The following FAM220A variants were observed in gnomAD, a reference collection of about 807,000 sequenced individuals.
FAM220A encodes the protein protein FAM220A.
For missense variants in FAM220A, 392 were observed against 321.6 expected (o/e 1.22, Z -1.68); for synonymous variants, 141 against 130.7 (o/e 1.08, Z -0.54).
chr7:6,330,685 C>A lies in FAM220A; in HGVS notation c.470G>T (p.Arg157Leu). 1 of 1,614,062 alleles carries A rather than the reference C, an allele frequency of 6.2e-7. No homozygotes were observed. Among genetic ancestry groups the A allele is most frequent in the Non-Finnish European group, 8.5e-7 (1 of 1,180,012 alleles). The change falls in exon 2 of 2, where the codon CGC becomes CTC. Residue 157 changes from arginine (R) to leucine (L), a missense_variant. Physicochemically the swap from Arg to Leu is moderately radical, Grantham distance 102 (BLOSUM62 -2). Coordinates refer to ENST00000313324, the MANE Select transcript of FAM220A (RefSeq NM_001037163.2). ...KGEPRVSRLP[R>L]HQKVPEMGSF... Reference sequence around the variant, plus strand: ...TCCCATTTCCGGCACTTTTTGATGGCGTGGCAGTCGTGACACCCGAGGCTC... The same window carrying A: ...TCCCATTTCCGGCACTTTTTGATGGAGTGGCAGTCGTGACACCCGAGGCTC...
In FAM220A at chr7:6,348,918, G is replaced by C. The variant is rs987128226; in HGVS notation, c.-427C>G. 1.0e-5 allele frequency: 4 copies of C among 385,154 alleles called. No individual in the cohort carries two copies. The highest frequency in any genetic ancestry group is 3.7e-5 in the East Asian group (1 of 26,760). 23.9% of individuals were successfully genotyped at this position (385,154 alleles called of 1,614,324 possible). Reference sequence around the variant, plus strand: ...GAGCGGAGTCCGCACGTCACGCTCGGAGAAGTGCCTCCGCGAGCAGCCGCC... The same window carrying C: ...GAGCGGAGTCCGCACGTCACGCTCGCAGAAGTGCCTCCGCGAGCAGCCGCC... On this transcript the variant is annotated 5_prime_UTR_variant, in exon 1 of 2. Coordinates refer to ENST00000313324, the MANE Select transcript of FAM220A (RefSeq NM_001037163.2).
intron 1 of FAM220A, among the ~76,000 whole-genome samples, chr7:6,340,443 G>C (rs1050944794): frequency 2.6e-5 from 4 of 152,288 alleles, no homozygotes; most frequent in African/African-American, 9.6e-5. Flanking sequence ...CACTTCAGTA[G>C]AAGGGCAGAG....
chr7:6,344,479 G>C (rs983550279), intron 1 of FAM220A, among the ~76,000 whole-genome samples: 2 of 152,020 alleles, frequency 1.3e-5, no homozygotes, highest in African/African-American at 4.8e-5. Context: ...CTGGAGTACA[G>C]TGGTACAATT....
At chr7:6,346,872 C>T (rs569557157) in intron 1 of FAM220A, among the ~76,000 whole-genome samples, 52 of 152,250 alleles carry the variant, frequency 3.4e-4, no homozygotes, top group Non-Finnish European at 5.1e-4. Flanking sequence ...TCATTCTGCA[C>T]GCCAGGGAGC....
At chr7:6,347,228 C>T (rs757950281) in intron 1 of FAM220A, among the ~76,000 whole-genome samples, 8 of 152,124 alleles carry the variant, frequency 5.3e-5, no homozygotes, top group African/African-American at 9.7e-5. Context: ...AAATATCAGT[C>T]TCTTGGCTGG....
chr7:6,338,609 T>C (rs1232007048), intron 1 of FAM220A: 1 of 152,276 alleles, frequency 6.6e-6, no homozygotes, highest in African/African-American at 2.4e-5. Context: ...GAAACGAGGC[T>C]GTCCAGGTAT....
chr7:6,333,996 GCCA>G (rs1554259806), intron 1 of FAM220A, among the ~76,000 whole-genome samples: 1 of 151,056 alleles, frequency 6.6e-6, no homozygotes, highest in Non-Finnish European at 1.5e-5. Flanking sequence ...ACAGGCACCC[GCCA>G]CCACGCCCGG....
chr7:6,335,395 G>C (rs957095694), intron 1 of FAM220A, among the ~76,000 whole-genome samples: 1 of 151,742 alleles, frequency 6.6e-6, no homozygotes, highest in Admixed American at 6.6e-5. Context: ...GCTAATTTTA[G>C]TTTTTGTATT....
intron 1 of FAM220A, 141 bp downstream of exon 1, chr7:6,348,432 A>T (rs1280686087): frequency 5.0e-6 from 2 of 396,456 alleles, no homozygotes; most frequent in South Asian, 2.6e-4. Context: ...GATCTCCCCA[A>T]AGTAGGGTCG....
In FAM220A at chr7:6,348,586, T is replaced by C. The variant is rs1562450457; in HGVS notation, c.-95A>G. On this transcript the variant is annotated 5_prime_UTR_variant, in exon 1 of 2. Transcript: ENST00000313324. ...CGGCTCACCCACCTGCAGGCGGACGTTGAGCATCATGGAAGCCACGATGTA... is the reference window on the plus strand; with the variant it reads ...CGGCTCACCCACCTGCAGGCGGACGCTGAGCATCATGGAAGCCACGATGTA... 2 of 439,494 alleles carry C rather than the reference T, an allele frequency of 4.6e-6. No homozygotes were observed. Among genetic ancestry groups the C allele is most frequent in the South Asian group, 5.2e-5 (1 of 19,368 alleles). The allele number at this position is 439,494 out of a possible 1,614,324, so 27.2% of individuals were successfully genotyped here.
rs1190812045 is a variant in FAM220A at position 6,337,591 on chromosome 7, T to A, written c.-81-6356A>T. 2.6e-5 allele frequency among the ~76,000 whole-genome samples: 4 copies of A among 151,864 alleles called. No individual in the cohort carries two copies. The East Asian group carries it at 7.7e-4, about 29-fold the overall frequency. Reference sequence around the variant, plus strand: ...TACTTTAAATACAGTACCATTATTTTTTTTCATTTCCTTAGCAAACTAACG... The same window carrying A: ...TACTTTAAATACAGTACCATTATTTATTTTCATTTCCTTAGCAAACTAACG... On this transcript the variant is annotated intron_variant, in intron 1 of 1. Transcript: ENST00000313324.
At chr7:6,332,116 A>G (rs1261647525) in intron 1 of FAM220A, among the ~76,000 whole-genome samples, 1 of 145,606 alleles carries the variant, frequency 6.9e-6, no homozygotes, top group South Asian at 2.1e-4. Flanking sequence ...TCTCACGGAA[A>G]AAAAAAAAAA....
At position 6,348,634 on chromosome 7, in the gene FAM220A, A is replaced by C. The variant is rs1323688395; in HGVS notation, c.-143T>G. 2.0e-6 allele frequency: 1 copy of C among 504,768 alleles called. No individual in the cohort carries two copies. The highest frequency in any genetic ancestry group is 3.6e-6 in the Non-Finnish European group (1 of 278,502). The allele number at this position is 504,768 out of a possible 1,614,324, so 31.3% of individuals were successfully genotyped here. ...GTAGAGGTAGGGGAAGTTGATACGC[A>C]GCCGCCAGGCCAGGTCGAAGAAGAT... On this transcript the variant is annotated 5_prime_UTR_variant, in exon 1 of 2. Transcript: ENST00000313324.
At chr7:6,336,955 T>C (rs1293152844) in intron 1 of FAM220A, among the ~76,000 whole-genome samples, 2 of 151,570 alleles carry the variant, frequency 1.3e-5, no homozygotes, top group Non-Finnish European at 2.9e-5. Context: ...TGGCTGGCCA[T>C]ATTCTTTCAA....
intron 1 of FAM220A, among the ~76,000 whole-genome samples, chr7:6,342,629 C>A (rs1408881595): frequency 1.3e-5 from 2 of 152,096 alleles, no homozygotes; most frequent in South Asian, 2.1e-4. Flanking sequence ...GAAATAAAAA[C>A]CGATGTCCAC....
At position 6,329,487 on chromosome 7, in the gene FAM220A, C is replaced by T. The variant is rs189182585; in HGVS notation, c.*888G>A. The T allele has an allele frequency of 6.5e-6, 1 of 152,712 alleles. No homozygotes were observed. Among genetic ancestry groups the T allele is most frequent in the East Asian group, 1.9e-4 (1 of 5,182 alleles). The allele number at this position is 152,712 out of a possible 1,614,324, so 9.5% of individuals were successfully genotyped here. A position where few individuals can be genotyped will look rare whatever the true frequency, so the allele number is the denominator to read the frequency against. On this transcript the variant is annotated 3_prime_UTR_variant, in exon 2 of 2. Coordinates refer to ENST00000313324, the MANE Select transcript of FAM220A (RefSeq NM_001037163.2). ...CCCCAAACACTAAAATAGCACATGG[C>T]ATAGTAATTCAGCACACAGCATAAA...
rs920758089 is a variant in FAM220A, at chr7:6,337,471, C to T, written c.-81-6236G>A. Among the ~76,000 whole-genome samples, 3 of 151,834 alleles carry T rather than the reference C, an allele frequency of 2.0e-5. No homozygotes were observed. In the East Asian group the frequency reaches 5.8e-4, roughly 29 times the overall value. ...AGGTCATATAATATGGGACAGTGCTCAGAAAAATTAAGTTTCTAACCATTT... is the reference window on the plus strand; with the variant it reads ...AGGTCATATAATATGGGACAGTGCTTAGAAAAATTAAGTTTCTAACCATTT... On this transcript the variant is annotated intron_variant, in intron 1 of 1. Coordinates refer to ENST00000313324, the MANE Select transcript of FAM220A (RefSeq NM_001037163.2).
intron 1 of FAM220A, among the ~76,000 whole-genome samples, chr7:6,333,634 G>A (rs371877730): frequency 6.6e-6 from 1 of 151,602 alleles, no homozygotes; most frequent in African/African-American, 2.4e-5. Flanking sequence ...GTGTCACTGG[G>A]ATTACAGGCA....
chr7:6,347,827 G>A (rs576950516), intron 1 of FAM220A, among the ~76,000 whole-genome samples: 13 of 151,348 alleles, frequency 8.6e-5, no homozygotes, highest in African/African-American at 3.1e-4. Flanking sequence ...GCCAAGATGG[G>A]AGGATCTCTT....
Sources: gnomAD v4.1 joint callset for allele counts (sites outside exome capture counted in the v4.1 genomes callset) on GRCh38, gnomAD v4.1.1 for gene constraint, MANE v1.5 for transcripts, NCBI Gene and HGNC (gene_info 2026-07-23, HGNC 2026-07-21) for gene names.